Variants in SYNE3 observed in about 807,000 individuals in gnomAD.
SYNE3 encodes the protein nesprin-3.
SYNE3 carries 100 observed loss-of-function variants against 111.2 expected under a neutral mutation model. The ratio of observed to expected loss-of-function variants is 0.90; its 90% CI spans 0.77 to 1.06. The LOEUF (loss-of-function observed/expected upper bound fraction) is 1.06. Among genes scored for constraint, SYNE3 ranks in the 50% least tolerant of loss-of-function variants. The pLI, the probability that SYNE3 is intolerant of heterozygous loss-of-function variation, is 0.00. For synonymous variants in SYNE3, 547 were observed against 533.9 expected (o/e 1.02, Z -0.34); for missense variants, 1,160 against 1,240.3 (o/e 0.94, Z 0.97).
chr14:95,469,860 C>A (rs1396503496), intron 2 of SYNE3, among the ~76,000 whole-genome samples: 1 of 152,182 alleles, frequency 6.6e-6, no homozygotes, highest in Non-Finnish European at 1.5e-5. Context: ...CCTTTTTTTA[C>A]TCCATACAAT....
intron 10 of SYNE3, 118 bp from the exon 11 acceptor site, chr14:95,443,407 G>T: frequency 7.6e-7 from 1 of 1,309,368 alleles, no homozygotes; most frequent in Non-Finnish European, 1.0e-6. Context: ...CCCCAAGGCG[G>T]TGGGGCTCTT....
chr14:95,423,863 G>C (rs1203282161), intron 17 of SYNE3, among the ~76,000 whole-genome samples: 3 of 76,226 alleles, frequency 3.9e-5, no homozygotes, highest in African/African-American at 1.0e-4. Context: ...ATGGGGATGG[G>C]GATTTGATGG....
At chr14:95,418,686 C>T (rs1884896792) in intron 17 of SYNE3, among the ~76,000 whole-genome samples, 1 of 152,072 alleles carries the variant, frequency 6.6e-6, no homozygotes, top group Admixed American at 6.5e-5. Flanking sequence ...TCACTGCACC[C>T]TCCACCTCCC....
Position 95,457,324 on chromosome 14 carries a change from C to T in SYNE3, c.642G>A (p.Leu214=), listed in dbSNP as rs1224521780. 6.3e-7 allele frequency: 1 copy of T among 1,595,990 alleles called. No homozygotes were observed. Reference sequence around the variant, plus strand: ...CATGCTCCCGGGCCACCTGCTCCAGCAGATCTACACGCTTCTGTGGGAGGA... The same window carrying T: ...CATGCTCCCGGGCCACCTGCTCCAGTAGATCTACACGCTTCTGTGGGAGGA... The part of the protein sequence containing the change: ...VKAKAQKRVD[L]LEQVAREHEE... Residue 214 remains leucine, a synonymous_variant, in exon 5 of 18, where the codon CTG becomes CTA. Transcript: ENST00000682763.
At chr14:95,429,175 G>T (rs965195714) in intron 17 of SYNE3, among the ~76,000 whole-genome samples, 2 of 152,182 alleles carry the variant, frequency 1.3e-5, no homozygotes, top group Admixed American at 6.5e-5. Context: ...TGCTCCCTTC[G>T]CTCTCAGAAA....
At position 95,415,451 on chromosome 14, in the gene SYNE3, A is replaced by C. The variant is rs1033866649; in HGVS notation, c.*2375T>G. On this transcript the variant is annotated 3_prime_UTR_variant, in exon 18 of 18. Coordinates refer to ENST00000682763, the MANE Select transcript of SYNE3 (RefSeq NM_152592.6). ...AAAGTGTGCTTTCTCTTCTTCCATG[A>C]AATCACAAATTTCTCTAGATATTTG... The C allele has an allele frequency of 6.6e-6, 1 of 152,182 alleles. No homozygotes were observed. The highest frequency in any genetic ancestry group is 2.4e-5 in the African/African-American group (1 of 41,442). 9.4% of individuals were successfully genotyped at this position (152,182 alleles called of 1,614,324 possible).
rs535642993 is a variant in SYNE3 at position 95,407,380 on chromosome 14, C to A, written c.*10446G>T. ...TCTTTTAGAACACTGCTACTTCCAA[C>A]TTGCACAAAAGGAAGGGGAGGAAAA... On this transcript the variant is annotated 3_prime_UTR_variant, in exon 18 of 18. Coordinates refer to ENST00000682763, the MANE Select transcript of SYNE3 (RefSeq NM_152592.6). 6.6e-6 allele frequency: 1 copy of A among 152,298 alleles called. No individual in the cohort carries two copies. The highest frequency in any genetic ancestry group is 2.1e-4 in the South Asian group (1 of 4,822). 9.4% of individuals were successfully genotyped at this position (152,298 alleles called of 1,614,324 possible).
At chr14:95,459,899 A>T (rs1284929993) in intron 4 of SYNE3, among the ~76,000 whole-genome samples, 15 of 150,032 alleles carry the variant, frequency 1.0e-4, no homozygotes, top group Admixed American at 9.9e-4. Flanking sequence ...GGAGTTCGAG[A>T]CCAGCCTGAG....
chr14:95,475,310 G>A (rs1408509688), intron 2 of SYNE3, among the ~76,000 whole-genome samples: 1 of 152,232 alleles, frequency 6.6e-6, no homozygotes, highest in Admixed American at 6.5e-5. Context: ...CAACCAGGCA[G>A]AAGCAGAGAA....
chr14:95,440,074 T>G lies in SYNE3; in HGVS notation c.1913A>C (p.Asp638Ala), dbSNP rs1431720244. Residue 638 changes from aspartate to alanine, a missense_variant and splice_region_variant, in exon 12 of 18, where the codon GAC (aspartate) becomes GCC (alanine). By Grantham distance (126) the Asp-to-Ala change is moderately radical. Transcript: ENST00000682763. Reference sequence around the variant, plus strand: ...ACTCTGCCGACACCTGTCCACAAGGTCCTGCAGCACAGCCCGGGGAGCCCA... The same window carrying G: ...ACTCTGCCGACACCTGTCCACAAGGGCCTGCAGCACAGCCCGGGGAGCCCA... ...DFQALQRSLE[D>A]LVDRCRQSVQ... is the part of the protein sequence containing the mutation. 1 of 1,599,740 alleles carries G rather than the reference T, an allele frequency of 6.3e-7. No individual in the cohort carries two copies. Among genetic ancestry groups the G allele is most frequent in the Non-Finnish European group, 8.5e-7 (1 of 1,177,348 alleles).
intron 1 of SYNE3, among the ~76,000 whole-genome samples, chr14:95,491,267 C>G (rs553121954): frequency 2.6e-5 from 4 of 152,032 alleles, no homozygotes; most frequent in Non-Finnish European, 5.9e-5. Context: ...CTAGCTGTGC[C>G]GTTTTATGGA....
chr14:95,446,393 C>T (rs1404817527), intron 8 of SYNE3, among the ~76,000 whole-genome samples: 1 of 131,082 alleles, frequency 7.6e-6, no homozygotes, highest in African/African-American at 3.0e-5. Flanking sequence ...TGGCCTCTGC[C>T]CCGACTGCAG....
intron 17 of SYNE3, among the ~76,000 whole-genome samples, chr14:95,422,454 C>G (rs1021237583): frequency 6.6e-6 from 1 of 152,196 alleles, no homozygotes; most frequent in East Asian, 1.9e-4. Context: ...CTCCAGAGCC[C>G]AGGCTCTTCC....
chr14:95,439,625 C>A lies in SYNE3; in HGVS notation c.2233G>T (p.Glu745Ter), dbSNP rs1342905202. 1 of 1,610,472 alleles carries A rather than the reference C, an allele frequency of 6.2e-7. No individual in the cohort carries two copies. The highest frequency in any genetic ancestry group is 8.5e-7 in the Non-Finnish European group (1 of 1,180,018). Reference sequence around the variant, plus strand: ...AGGCACTCTCACCTCAGCAGACTTTCTTCCAGCAGCCTCAAGGCCCGCCAC... The same window carrying A: ...AGGCACTCTCACCTCAGCAGACTTTATTCCAGCAGCCTCAAGGCCCGCCAC... ...ESWRALRLLEESLLSLIRNWH... is the reference protein window; with the variant it reads ...ESWRALRLLE Residue 745 changes from glutamate (E) to a stop codon, truncating the protein, a stop_gained, in exon 13 of 18, where the codon GAA becomes TAA. Coordinates refer to ENST00000682763, the MANE Select transcript of SYNE3 (RefSeq NM_152592.6). LOFTEE classifies it high-confidence loss of function.
intron 1 of SYNE3, among the ~76,000 whole-genome samples, chr14:95,513,814 T>C (rs1890812643): frequency 7.4e-6 from 1 of 135,400 alleles, no homozygotes; most frequent in Non-Finnish European, 1.6e-5. Context: ...GATGACTTAA[T>C]GAAGACAAGC....
chr14:95,464,337 G>A (rs1182835025), intron 4 of SYNE3, among the ~76,000 whole-genome samples: 2 of 152,174 alleles, frequency 1.3e-5, no homozygotes, highest in Non-Finnish European at 2.9e-5. Flanking sequence ...AGAAGCTTGG[G>A]TTTAATGCTC....
At position 95,457,123 on chromosome 14, in the gene SYNE3, A is replaced by G. The variant is rs1595213444; in HGVS notation, c.789+54T>C. On this transcript the variant is annotated intron_variant, in intron 5 of 17. Transcript: ENST00000682763. ...AAAAAGGAACTATGACATAGAACCC[A>G]CCCTCTGTGACTGTCCCTAGGGTCC... is the stretch of plus-strand genomic sequence containing the variant. The G allele has an allele frequency of 4.0e-6, 6 of 1,516,380 alleles. No individual in the cohort carries two copies. In the South Asian group the frequency reaches 4.8e-5, roughly 12 times the overall value. The allele number at this position is 1,516,380 out of a possible 1,614,324, so 93.9% of individuals were successfully genotyped here.
At chr14:95,458,287 C>T (rs1353025304) in intron 4 of SYNE3, among the ~76,000 whole-genome samples, 2 of 152,162 alleles carry the variant, frequency 1.3e-5, no homozygotes, top group Non-Finnish European at 2.9e-5. Flanking sequence ...GCAGTCAAGA[C>T]CCTGGGGTTG....
chr14:95,446,112 G>A (rs369123745), intron 8 of SYNE3, 21 bp from the exon 9 acceptor site: 164 of 1,612,972 alleles, frequency 1.0e-4, no homozygotes, highest in Middle Eastern at 5.0e-4. Context: ...CAAGGCTTCC[G>A]TGAACCACAG....
Sources: gnomAD v4.1 joint callset for allele counts (sites outside exome capture counted in the v4.1 genomes callset) on GRCh38, gnomAD v4.1.1 for gene constraint, MANE v1.5 for transcripts, NCBI Gene and HGNC (gene_info 2026-07-23, HGNC 2026-07-21) for gene names.